The following ADRA1B variants were observed in gnomAD, a reference collection of about 807,000 sequenced individuals.
ADRA1B encodes the protein alpha-1B adrenergic receptor.
ADRA1B carries 17 observed loss-of-function variants against 17.9 expected under a neutral mutation model. The ratio of observed to expected loss-of-function variants is 0.95; its 90% CI spans 0.65 to 1.42. ADRA1B has a LOEUF of 1.42. Ranked by LOEUF, ADRA1B falls within the 40% of genes most tolerant of loss-of-function variation. The pLI is 0.00. For synonymous variants in ADRA1B, 366 were observed against 327.6 expected (o/e 1.12, Z -1.27); for missense variants, 681 against 722.1 (o/e 0.94, Z 0.65).
chr5:159,985,294 G>T, the ADRA1B span, among the ~76,000 whole-genome samples: 1 of 152,268 alleles, frequency 6.6e-6, no homozygotes, highest in South Asian at 2.1e-4. Context: ...CACATGTAAT[G>T]AACTGATCTA....
chr5:159,962,121 C>A (rs1755674452), intron 1 of ADRA1B, among the ~76,000 whole-genome samples: 1 of 152,136 alleles, frequency 6.6e-6, no homozygotes, highest in Admixed American at 6.6e-5. Flanking sequence ...TCACTTGAAC[C>A]TGGGAGGTAG....
Position 159,917,747 on chromosome 5 carries a change from T to G in ADRA1B, c.842T>G (p.Val281Gly). Reference protein sequence around the residue: ...KGHNPRSSIAVKLFKFSREKK... With the variant: ...KGHNPRSSIAGKLFKFSREKK... Reference sequence around the variant, plus strand: ...CACAACCCCAGGAGTTCCATAGCTGTCAAACTTTTTAAGTTCTCCAGGGAA... The same window carrying G: ...CACAACCCCAGGAGTTCCATAGCTGGCAAACTTTTTAAGTTCTCCAGGGAA... Residue 281 changes from valine to glycine, a missense_variant, in exon 1 of 2, where the codon GTC becomes GGC. Transcript: ENST00000306675. The G allele has an allele frequency of 6.2e-7, 1 of 1,614,098 alleles. No homozygotes were observed. Among genetic ancestry groups the G allele is most frequent in the East Asian group, 2.2e-5 (1 of 44,880 alleles).
chr5:159,966,446 A>G (rs1423756256), intron 1 of ADRA1B, among the ~76,000 whole-genome samples: 1 of 152,220 alleles, frequency 6.6e-6, no homozygotes, highest in Non-Finnish European at 1.5e-5. Flanking sequence ...GCCCAAGGTC[A>G]CATGGCCAGA....
intron 1 of ADRA1B, among the ~76,000 whole-genome samples, chr5:159,877,709 G>A (rs1753818044): frequency 6.6e-6 from 1 of 152,156 alleles, no homozygotes; most frequent in Non-Finnish European, 1.5e-5. Flanking sequence ...CCATAAGGTA[G>A]GTACTGTCCC....
intron 1 of ADRA1B, among the ~76,000 whole-genome samples, chr5:159,874,016 T>C (rs991514284): frequency 6.6e-6 from 1 of 152,214 alleles, no homozygotes. Flanking sequence ...ACTGTCTTGA[T>C]AGTGTCTTCA....
rs558005651 is a variant in ADRA1B, at chr5:159,879,410, C to T, written c.-256+14204C>T. On this transcript the variant is annotated intron_variant, in intron 1 of 2. Transcript: ENST00000641205. ...TGGGAATGACATCTTTTGGTTATCACTCCATCACTGAAACTCTTTAGGAAT... is the reference window on the plus strand; with the variant it reads ...TGGGAATGACATCTTTTGGTTATCATTCCATCACTGAAACTCTTTAGGAAT... Among the ~76,000 whole-genome samples the T allele has an allele frequency of 6.6e-5, 10 of 152,288 alleles. No homozygotes were observed. In the East Asian group the frequency reaches 1.9e-3, roughly 29 times the overall value.
chr5:159,984,737 A>C, the ADRA1B span, among the ~76,000 whole-genome samples: 1 of 144,756 alleles, frequency 6.9e-6, no homozygotes, highest in African/African-American at 2.7e-5. Context: ...ATCCCTACTA[A>C]AAATACAAAA....
At chr5:159,946,265 G>A (rs1333499635) in intron 1 of ADRA1B, among the ~76,000 whole-genome samples, 2 of 152,208 alleles carry the variant, frequency 1.3e-5, no homozygotes, top group East Asian at 3.8e-4. Context: ...TTGACATGAG[G>A]CTTCTCCAGG....
chr5:159,917,110 T>C lies in ADRA1B; in HGVS notation c.205T>C (p.Ser69Pro). The C allele has an allele frequency of 1.2e-6, 2 of 1,614,156 alleles. No individual in the cohort carries two copies. Among genetic ancestry groups the C allele is most frequent in the Non-Finnish European group, 8.5e-7 (1 of 1,180,010 alleles). ...AIVGNILVIL[S>P]VACNRHLRTP... ...CGTGGGCAACATCCTAGTCATCTTG[T>C]CTGTGGCCTGCAACCGGCACCTGCG... The change falls in exon 1 of 2, where the codon TCT (serine) becomes CCT (proline). Residue 69 changes from serine (S) to proline (P), a missense_variant. Coordinates refer to ENST00000306675, the MANE Select transcript of ADRA1B (RefSeq NM_000679.4).
chr5:159,867,787 G>A (rs938792758), intron 1 of ADRA1B: 1 of 152,118 alleles, frequency 6.6e-6, no homozygotes, highest in African/African-American at 2.4e-5. Flanking sequence ...TGTCATAATA[G>A]AGCTCCTGAG....
At chr5:159,969,949 A>ATTT (rs997922846) in intron 1 of ADRA1B, among the ~76,000 whole-genome samples, 2 of 152,064 alleles carry the variant, frequency 1.3e-5, no homozygotes, top group African/African-American at 4.8e-5. Flanking sequence ...AAAAAAACAC[A>ATTT]TTTTTATTCA....
intron 1 of ADRA1B, among the ~76,000 whole-genome samples, chr5:159,896,313 T>G (rs1242001452): frequency 6.6e-6 from 1 of 152,202 alleles, no homozygotes; most frequent in African/African-American, 2.4e-5. Flanking sequence ...TCAAGATCAA[T>G]TTAGATAAAC....
At chr5:159,982,286 T>C in the ADRA1B span, among the ~76,000 whole-genome samples, 3 of 152,220 alleles carry the variant, frequency 2.0e-5, no homozygotes, top group Non-Finnish European at 2.9e-5. Flanking sequence ...ACAGAGCTAA[T>C]GAAATGATGG....
intron 1 of ADRA1B, chr5:159,948,288 A>G: frequency 1.0e-6 from 1 of 985,454 alleles, no homozygotes; most frequent in Non-Finnish European, 1.2e-6. Context: ...CACACATGCT[A>G]TGCACTGCCC....
chr5:159,980,383 C>T, the ADRA1B span, among the ~76,000 whole-genome samples: 24 of 152,184 alleles, frequency 1.6e-4, no homozygotes, highest in Non-Finnish European at 2.4e-4. Flanking sequence ...AGAGCCCGAA[C>T]AAGACTCCAC....
At chr5:159,967,768 A>T (rs1755802088) in intron 1 of ADRA1B, among the ~76,000 whole-genome samples, 1 of 152,078 alleles carries the variant, frequency 6.6e-6, no homozygotes, top group Non-Finnish European at 1.5e-5. Context: ...CCAAACCCAA[A>T]ATGTGGCAGT....
At position 159,917,557 on chromosome 5, in the gene ADRA1B, G is replaced by A; in HGVS notation, c.652G>A (p.Val218Ile). 1 of 1,614,010 alleles carries A rather than the reference G, an allele frequency of 6.2e-7. No individual in the cohort carries two copies. The highest frequency in any genetic ancestry group is 1.1e-5 in the South Asian group (1 of 91,050). The change falls in exon 1 of 2, where the codon GTC (valine) becomes ATC (isoleucine). Residue 218 changes from valine (V) to isoleucine (I), a missense_variant. By Grantham distance (29) the Val-to-Ile change is conservative. Coordinates refer to ENST00000306675, the MANE Select transcript of ADRA1B (RefSeq NM_000679.4). ...GGGCTCCTTCTACATCCCTCTGGCG[G>A]TCATTCTAGTCATGTACTGCCGTGT... ...SLGSFYIPLA[V>I]ILVMYCRVYI...
upstream of ADRA1B, among the ~76,000 whole-genome samples, chr5:159,913,408 T>C (rs1402358055): frequency 2.0e-5 from 3 of 152,178 alleles, no homozygotes; most frequent in Non-Finnish European, 4.4e-5. Flanking sequence ...GGTTGCTGTG[T>C]GGGGTCCTGC....
At chr5:159,906,748 A>G (rs1354352168) in intron 1 of ADRA1B, among the ~76,000 whole-genome samples, 1 of 152,212 alleles carries the variant, frequency 6.6e-6, no homozygotes. Context: ...AAAATTCTAA[A>G]GTTTTTGAGT....
Sources: allele counts gnomAD v4.1 joint callset (sites outside exome capture counted in the v4.1 genomes callset), GRCh38; gene constraint gnomAD v4.1.1; transcripts MANE v1.5; gene names NCBI Gene and HGNC (gene_info 2026-07-23, HGNC 2026-07-21).